The following PREX1 variants were observed in gnomAD, a reference collection of about 807,000 sequenced individuals.
PREX1 encodes the protein phosphatidylinositol-3,4,5-trisphosphate dependent Rac exchange factor 1, also known as phosphatidylinositol 3,4,5-trisphosphate-dependent Rac exchanger 1 protein.
Under a neutral mutation model 198.3 loss-of-function variants are expected in PREX1, and 41 were observed. That is an observed-to-expected ratio of 0.21 (90% CI 0.16 to 0.27). PREX1 has a LOEUF of 0.27. PREX1 is among the 10% of genes least tolerant of loss of function. PREX1 has a pLI of 1.00. For synonymous variants in PREX1, 843 were observed against 887.2 expected (o/e 0.95, Z 0.89); for missense variants, 1,620 against 2,200.7 (o/e 0.74, Z 5.28).
intron 7 of PREX1, among the ~76,000 whole-genome samples, chr20:48,695,343 G>T (rs1275561692): frequency 6.6e-6 from 1 of 152,238 alleles, no homozygotes; most frequent in African/African-American, 2.4e-5. Flanking sequence ...GACATGGCCA[G>T]ACATCTGGCT....
rs2089551678 is a variant in PREX1 at position 48,657,149 on chromosome 20, T to C, written c.2014A>G (p.Asn672Asp). The change falls in exon 18 of 40, where the codon AAT becomes GAT. Residue 672 changes from asparagine (N) to aspartate (D), a missense_variant. Coordinates refer to ENST00000371941, the MANE Select transcript of PREX1 (RefSeq NM_020820.4). ...GGCCGCAGGAACACCAGGTCCTCAT[T>C]GATGGAGTAGATCTTCCTCCCCACC... ...LQVGRKIYSI[N>D]EDLVFLRPFS... 1 of 1,613,524 alleles carries C rather than the reference T, an allele frequency of 6.2e-7. No homozygotes were observed. The highest frequency in any genetic ancestry group is 1.7e-5 in the Admixed American group (1 of 59,968).
chr20:48,867,403 C>T, the PREX1 span, among the ~76,000 whole-genome samples: 3 of 152,088 alleles, frequency 2.0e-5, no homozygotes, highest in Admixed American at 2.0e-4. Context: ...CCTTCGAGGG[C>T]CCCCCAGGGA....
chr20:48,701,652 G>A (rs1004477420), intron 6 of PREX1, among the ~76,000 whole-genome samples: 1 of 151,980 alleles, frequency 6.6e-6, no homozygotes, highest in Non-Finnish European at 1.5e-5. Context: ...TGTGCCCTAC[G>A]TATGCCCAGC....
intron 1 of PREX1, among the ~76,000 whole-genome samples, chr20:48,770,283 A>T (rs1476607181): frequency 1.3e-5 from 2 of 152,214 alleles, no homozygotes; most frequent in Non-Finnish European, 2.9e-5. Flanking sequence ...CCAGGAAATC[A>T]GCTCTTTTTC....
intron 33 of PREX1, 45 bp downstream of exon 33, chr20:48,634,631 C>A: frequency 6.3e-7 from 1 of 1,596,258 alleles, no homozygotes; most frequent in South Asian, 1.1e-5. Context: ...CCCTTCCACC[C>A]CAGGACCCCA....
At chr20:48,772,434 T>G (rs1286981962) in intron 1 of PREX1, among the ~76,000 whole-genome samples, 1 of 152,154 alleles carries the variant, frequency 6.6e-6, no homozygotes, top group Non-Finnish European at 1.5e-5. Context: ...GACGTGCCCA[T>G]GGCCATACCT....
intron 1 of PREX1, among the ~76,000 whole-genome samples, chr20:48,784,587 G>T (rs945207222): frequency 1.3e-5 from 2 of 152,170 alleles, no homozygotes; most frequent in Admixed American, 1.3e-4. Flanking sequence ...AGGCCGTCCT[G>T]ATCTGCACAC....
At chr20:48,869,339 C>T in the PREX1 span, among the ~76,000 whole-genome samples, 1 of 151,238 alleles carries the variant, frequency 6.6e-6, no homozygotes, top group Non-Finnish European at 1.5e-5. Context: ...CACTCTGTTG[C>T]CCAGGCTGGA....
intron 1 of PREX1, among the ~76,000 whole-genome samples, chr20:48,773,686 G>A (rs1568859162): frequency 6.6e-6 from 1 of 152,192 alleles, no homozygotes; most frequent in African/African-American, 2.4e-5. Flanking sequence ...GGCGAGGTGA[G>A]AGCAGGAAGA....
intron 5 of PREX1, among the ~76,000 whole-genome samples, chr20:48,716,860 C>T (rs1181754462): frequency 6.6e-6 from 1 of 152,096 alleles, no homozygotes. Flanking sequence ...TGACCAACGA[C>T]GCCACTGTAA....
intron 1 of PREX1, among the ~76,000 whole-genome samples, chr20:48,786,792 GA>G (rs1191014435): frequency 7.6e-6 from 1 of 131,622 alleles, no homozygotes; most frequent in African/African-American, 2.9e-5. Flanking sequence ...GAGTAGAAAA[GA>G]AAAGAAAGAG....
At chr20:48,753,472 C>G (rs959412239) in intron 1 of PREX1, among the ~76,000 whole-genome samples, 1 of 152,100 alleles carries the variant, frequency 6.6e-6, no homozygotes, top group Admixed American at 6.5e-5. Context: ...GTGCTCCTGG[C>G]ATCTAGTGTG....
chr20:48,745,979 C>T (rs2090105875), intron 2 of PREX1, among the ~76,000 whole-genome samples: 1 of 152,184 alleles, frequency 6.6e-6, no homozygotes, highest in Non-Finnish European at 1.5e-5. Context: ...CTTTGCCTCT[C>T]TGAGTCTTTT....
chr20:48,635,571 C>T (rs771386384), intron 32 of PREX1, among the ~76,000 whole-genome samples: 16 of 152,170 alleles, frequency 1.1e-4, no homozygotes, highest in Non-Finnish European at 1.6e-4. Flanking sequence ...CCCTCTACCC[C>T]GCACACTCTT....
At chr20:48,658,744 T>C (rs192262546) in intron 16 of PREX1, among the ~76,000 whole-genome samples, 12 of 151,948 alleles carry the variant, frequency 7.9e-5, no homozygotes, top group Non-Finnish European at 2.9e-5. Flanking sequence ...ATGCAGGGAG[T>C]GTACGTAGTT....
intron 13 of PREX1, 56 bp downstream of exon 13, chr20:48,679,304 G>A: frequency 6.6e-7 from 1 of 1,522,360 alleles, no homozygotes; most frequent in Admixed American, 1.7e-5. Context: ...CCAGCCCAAG[G>A]CCACACAGCT....
At chr20:48,763,377 C>T (rs532386640) in intron 1 of PREX1, among the ~76,000 whole-genome samples, 1 of 152,160 alleles carries the variant, frequency 6.6e-6, no homozygotes, top group African/African-American at 2.4e-5. Flanking sequence ...CATTTCCCGC[C>T]GGAATGTCCT....
intron 1 of PREX1, among the ~76,000 whole-genome samples, chr20:48,814,343 C>T (rs903120206): frequency 7.2e-5 from 11 of 152,188 alleles, no homozygotes; most frequent in Admixed American, 2.0e-4. Flanking sequence ...AATAAATCAA[C>T]AAGATAATTC....
chr20:48,631,598 G>C (rs2089314792), intron 35 of PREX1, among the ~76,000 whole-genome samples: 1 of 152,150 alleles, frequency 6.6e-6, no homozygotes, highest in South Asian at 2.1e-4. Flanking sequence ...TAACTGGGCT[G>C]GATGCTTTCT....
Sources: gnomAD v4.1 joint callset for allele counts (sites outside exome capture counted in the v4.1 genomes callset) on GRCh38, gnomAD v4.1.1 for gene constraint, MANE v1.5 for transcripts, NCBI Gene and HGNC (gene_info 2026-07-23, HGNC 2026-07-21) for gene names.